Variants in ZSCAN25 observed in about 807,000 individuals in gnomAD.
The protein encoded by ZSCAN25 is zinc finger and SCAN domain containing 25, also known as zinc finger and SCAN domain-containing protein 25.
In ZSCAN25, 27 loss-of-function variants were observed where a neutral mutation model predicts 38.7. The observed-to-expected ratio is 0.70, with a 90% CI of 0.51 to 0.96. ZSCAN25 has a LOEUF of 0.96. Ranked by LOEUF, ZSCAN25 falls within the 40% of genes least tolerant of loss-of-function variation. ZSCAN25 has a pLI of 0.00. For synonymous variants in ZSCAN25, 273 were observed against 277.7 expected (o/e 0.98, Z 0.17); for missense variants, 637 against 705.9 (o/e 0.90, Z 1.11).
the ZSCAN25 span, among the ~76,000 whole-genome samples, chr7:99,684,460 G>A: frequency 1.3e-5 from 2 of 152,132 alleles, no homozygotes; most frequent in African/African-American, 4.8e-5. Context: ...GAGCCACTGT[G>A]CTTGGTCAAA....
the ZSCAN25 span, chr7:99,666,643 A>C: frequency 6.2e-7 from 1 of 1,613,990 alleles, no homozygotes; most frequent in Non-Finnish European, 8.5e-7. Flanking sequence ...TTCCCGCCTC[A>C]AGTTTCTCAC....
chr7:99,684,094 C>T, the ZSCAN25 span, among the ~76,000 whole-genome samples: 1 of 151,232 alleles, frequency 6.6e-6, no homozygotes, highest in Non-Finnish European at 1.5e-5. Flanking sequence ...GGTTTGAAAA[C>T]ATTAAATCAA....
At chr7:99,647,867 T>C in the ZSCAN25 span, 1 of 985,142 alleles carries the variant, frequency 1.0e-6, no homozygotes, top group Non-Finnish European at 1.2e-6. Context: ...AAGGGGATTT[T>C]ATCACTTCGC....
chr7:99,639,621 A>G, the ZSCAN25 span, among the ~76,000 whole-genome samples: 5 of 152,316 alleles, frequency 3.3e-5, no homozygotes, highest in Admixed American at 2.0e-4. Flanking sequence ...TCTTTACTCC[A>G]TAATAGGAGA....
chr7:99,651,269 C>A, the ZSCAN25 span, among the ~76,000 whole-genome samples: 1 of 152,130 alleles, frequency 6.6e-6, no homozygotes, highest in African/African-American at 2.4e-5. Context: ...TATATACACA[C>A]ACATATACGT....
the ZSCAN25 span, among the ~76,000 whole-genome samples, chr7:99,737,303 G>A: frequency 6.6e-6 from 1 of 152,236 alleles, no homozygotes; most frequent in East Asian, 1.9e-4. Context: ...GCCATTCCTT[G>A]CTAAGCATCA....
At chr7:99,674,453 C>T in the ZSCAN25 span, 1 of 1,110,300 alleles carries the variant, frequency 9.0e-7, no homozygotes, top group East Asian at 2.4e-5. Context: ...CCCATGAAGA[C>T]CTGGGCAGAG....
intron 5 of ZSCAN25, chr7:99,622,217 G>A (rs563913373): frequency 1.9e-4 from 59 of 308,106 alleles, no homozygotes; most frequent in Middle Eastern, 2.1e-3. Context: ...GAGCCACCGC[G>A]CCCAGCCCAC....
chr7:99,642,912 G>A, the ZSCAN25 span, among the ~76,000 whole-genome samples: 1 of 152,180 alleles, frequency 6.6e-6, no homozygotes, highest in African/African-American at 2.4e-5. Context: ...TGTGAAGAAG[G>A]CATCCAAGTT....
At chr7:99,698,725 T>G in the ZSCAN25 span, among the ~76,000 whole-genome samples, 126 of 152,304 alleles carry the variant, frequency 8.3e-4, no homozygotes, top group Middle Eastern at 3.4e-3. Flanking sequence ...ACACATTTAT[T>G]GTCACAAATA....
chr7:99,650,300 TCTTA>T, the ZSCAN25 span: 2 of 1,507,320 alleles, frequency 1.3e-6, no homozygotes, highest in African/African-American at 2.8e-5. Flanking sequence ...TGTTAGGGGT[TCTTA>T]CTTAAGAACA....
chr7:99,633,815 G>GT (rs1168618221), downstream of ZSCAN25, among the ~76,000 whole-genome samples: 2 of 152,208 alleles, frequency 1.3e-5, no homozygotes, highest in Non-Finnish European at 2.9e-5. Flanking sequence ...CCTTTGACCA[G>GT]TGGAGGCCCC....
chr7:99,625,412 T>C (rs1807386421), intron 7 of ZSCAN25, among the ~76,000 whole-genome samples: 1 of 152,094 alleles, frequency 6.6e-6, no homozygotes, highest in Non-Finnish European at 1.5e-5. Flanking sequence ...TAAAGGCGCT[T>C]GCCTGTGGGG....
the ZSCAN25 span, chr7:99,731,292 G>A: frequency 3.5e-5 from 33 of 941,362 alleles, no homozygotes; most frequent in East Asian, 7.9e-5. Context: ...TAACTCTGAC[G>A]GCAATGATTA....
chr7:99,656,045 T>C, the ZSCAN25 span, among the ~76,000 whole-genome samples: 1 of 152,246 alleles, frequency 6.6e-6, no homozygotes, highest in South Asian at 2.1e-4. Context: ...TTTGACTTCC[T>C]CTTTTCCTAA....
chr7:99,679,715 C>G, the ZSCAN25 span: 10 of 1,000,632 alleles, frequency 1.0e-5, no homozygotes, highest in Non-Finnish European at 1.4e-5. Context: ...AACACTTCAG[C>G]TACTTCTCCT....
chr7:99,713,503 G>A, the ZSCAN25 span: 11 of 1,613,518 alleles, frequency 6.8e-6, no homozygotes, highest in Non-Finnish European at 8.5e-6. Context: ...AATTCTGAGA[G>A]TCAATCATCA....
the ZSCAN25 span, among the ~76,000 whole-genome samples, chr7:99,684,453 C>T: frequency 6.6e-6 from 1 of 152,158 alleles, no homozygotes; most frequent in African/African-American, 2.4e-5. Flanking sequence ...CAGGCATGAG[C>T]CACTGTGCTT....
chr7:99,652,113 A>C, the ZSCAN25 span, among the ~76,000 whole-genome samples: 1 of 151,704 alleles, frequency 6.6e-6, no homozygotes, highest in Non-Finnish European at 1.5e-5. Context: ...AAAAGCCTAT[A>C]CACCTGAAAT....
Sources: gnomAD v4.1 joint callset for allele counts (sites outside exome capture counted in the v4.1 genomes callset) on GRCh38, gnomAD v4.1.1 for gene constraint, MANE v1.5 for transcripts, NCBI Gene and HGNC (gene_info 2026-07-23, HGNC 2026-07-21) for gene names.